Variants in KDM1A observed in about 807,000 individuals in gnomAD.
KDM1A encodes the protein lysine-specific histone demethylase 1A.
KDM1A carries 49 observed loss-of-function variants against 109.4 expected under a neutral mutation model. The ratio of observed to expected loss-of-function variants is 0.45; its 90% CI spans 0.36 to 0.57. The LOEUF (loss-of-function observed/expected upper bound fraction) is 0.57, where lower values mean the gene tolerates loss of function less well. Among genes scored for constraint, KDM1A ranks in the 20% least tolerant of loss-of-function variants. The probability of loss-of-function intolerance (pLI) is 0.00; values close to 1 mark genes in which losing one functional copy is unlikely to be tolerated. For synonymous variants in KDM1A, 380 were observed against 415.4 expected, an observed-to-expected ratio of 0.91 and a Z score of 1.04; for missense variants, 668 against 1,116.6, an observed-to-expected ratio of 0.60 and a Z score of 5.73.
chr1:23,081,387 G>A, intron 18 of KDM1A, 59 bp from the exon 19 acceptor site: 4 of 1,599,104 alleles, frequency 2.5e-6, no homozygotes, highest in African/African-American at 1.3e-5. Context: ...GGCCTGATAA[G>A]GAAGTTTTTG....
chr1:23,066,105 T>G (rs749145090), intron 10 of KDM1A, 34 bp downstream of exon 10: 3 of 1,436,550 alleles, frequency 2.1e-6, no homozygotes, highest in Non-Finnish European at 2.9e-6. Flanking sequence ...ATCATTTTCC[T>G]CACTGTTTAC....
intron 1 of KDM1A, 73 bp from the exon 2 acceptor site, chr1:23,030,396 G>T: frequency 1.7e-6 from 2 of 1,149,616 alleles, no homozygotes; most frequent in Non-Finnish European, 2.3e-6. Flanking sequence ...TACATTGACT[G>T]ATGGTTCCAA....
In KDM1A at chr1:23,079,052, G is replaced by A. The variant is rs1244958458; in HGVS notation, c.1930G>A (p.Ala644Thr). The part of the protein sequence containing the change: ...TSQTFIYKCD[A>T]VLCTLPLGVL... The stretch of plus-strand genomic sequence containing the variant: ...TCAAACCTTTATTTATAAATGCGAC[G>A]CAGTTCTCTGTACCCTTCCCCTGGG... The change falls in exon 17 of 21, where the codon GCA (alanine) becomes ACA (threonine). Residue 644 changes from alanine (A) to threonine (T), a missense_variant. Ala to Thr is a moderately conservative substitution (Grantham distance 58). Around this residue, in one of 8 missense-constraint regions of KDM1A, gnomAD observed 162 missense variants for 376.4 expected, o/e 0.43. Transcript: ENST00000400181. This position sits in a 1 kb window ranked among gnomAD's most constrained non-coding sequence, Gnocchi z 5.6. 4 of 1,613,994 alleles carry A rather than the reference G, an allele frequency of 2.5e-6. No individual in the cohort carries two copies. The highest frequency in any genetic ancestry group is 2.2e-5 in the East Asian group (1 of 44,898).
Position 23,047,212 on chromosome 1 carries a change from T to C in KDM1A, c.577+2726T>C, listed in dbSNP as rs138063465. On this transcript the variant is annotated intron_variant, in intron 3 of 20. Transcript: ENST00000400181. ...AATTAACATACATTTTTTTTTTCTT[T>C]AAGAAAAGGTTAGCTTTTTATCTTG... Among the ~76,000 whole-genome samples the C allele has an allele frequency of 1.3e-4, 20 of 152,304 alleles. No individual in the cohort carries two copies. In the East Asian group the frequency reaches 3.9e-3, roughly 29 times the overall value.
intron 15 of KDM1A, among the ~76,000 whole-genome samples, chr1:23,075,815 C>T (rs1202209738): frequency 6.6e-6 from 1 of 151,378 alleles, no homozygotes; most frequent in Non-Finnish European, 1.5e-5. Flanking sequence ...GGCGTGGTGG[C>T]GCATGCCTGT....
At chr1:23,024,461 C>T (rs1037384262) in intron 1 of KDM1A, among the ~76,000 whole-genome samples, 1 of 152,106 alleles carries the variant, frequency 6.6e-6, no homozygotes, top group African/African-American at 2.4e-5. Flanking sequence ...GGGAGCTTAT[C>T]CAGTTTTGAG....
At position 23,082,337 on chromosome 1, in the gene KDM1A, C is replaced by A; in HGVS notation, c.2416C>A (p.Pro806Thr). 1 of 1,613,732 alleles carries A rather than the reference C, an allele frequency of 6.2e-7. No individual in the cohort carries two copies. Among genetic ancestry groups the A allele is most frequent in the Non-Finnish European group, 8.5e-7 (1 of 1,179,846 alleles). Residue 806 changes from proline (P) to threonine (T), a missense_variant, in exon 20 of 21, where the codon CCT (proline) becomes ACT (threonine). This residue lies in a region of KDM1A where 69 missense variants were observed against 99.6 expected (regional missense o/e 0.69). Coordinates refer to ENST00000400181, the MANE Select transcript of KDM1A (RefSeq NM_001009999.3). ...TGATTTAATGGCTCAGCCAATCACT[C>A]CTGGCCCCTCGATTCCAGGTGCCCC... ...DYDLMAQPIT[P>T]GPSIPGAPQP... is the part of the protein sequence containing the mutation.
At chr1:23,028,831 T>C (rs975651074) in intron 1 of KDM1A, among the ~76,000 whole-genome samples, 1 of 152,246 alleles carries the variant, frequency 6.6e-6, no homozygotes, top group East Asian at 1.9e-4. Flanking sequence ...AAAGACCCTG[T>C]ATGAGATGGT....
At chr1:23,057,415 G>GT in intron 7 of KDM1A, 69 bp from the exon 8 acceptor site, 2 of 1,120,242 alleles carry the variant, frequency 1.8e-6, no homozygotes, top group Admixed American at 1.7e-5. Flanking sequence ...CAGAGCCGTG[G>GT]TATGGTACTA....
At chr1:23,057,398 T>C (rs962374541) in intron 7 of KDM1A, 86 bp from the exon 8 acceptor site, 7 of 948,658 alleles carry the variant, frequency 7.4e-6, no homozygotes, top group South Asian at 4.1e-5. Context: ...TTTTAAATTA[T>C]AGAAGACAGA....
chr1:23,076,199 T>C (rs1643459752), intron 15 of KDM1A, among the ~76,000 whole-genome samples: 3 of 152,144 alleles, frequency 2.0e-5, no homozygotes, highest in Admixed American at 2.0e-4. Context: ...GCCAGCCCAG[T>C]ATTTTGATCT....
At chr1:23,058,671 A>G (rs1642910824) in intron 8 of KDM1A, among the ~76,000 whole-genome samples, 1 of 152,206 alleles carries the variant, frequency 6.6e-6, no homozygotes, top group Non-Finnish European at 1.5e-5. Flanking sequence ...TCATAGCAGA[A>G]CATTAGAAAC....
Position 23,055,157 on chromosome 1 carries a change from A to G in KDM1A, c.879A>G (p.Leu293=), listed in dbSNP as rs781116924. Reference sequence around the variant, plus strand: ...GCATCTATAAGAGGATAAAACCCCTACCAAGTAAGGACCTCCTACCTGGCT... The same window carrying G: ...GCATCTATAAGAGGATAAAACCCCTGCCAAGTAAGGACCTCCTACCTGGCT... The part of the protein sequence containing the change: ...NFGIYKRIKP[L]PTKKTGKVII... The change falls in exon 6 of 21, where the codon CTA becomes CTG. Residue 293 remains leucine, a synonymous_variant. Transcript: ENST00000400181. 1 of 1,597,938 alleles carries G rather than the reference A, an allele frequency of 6.3e-7. No homozygotes were observed. Among genetic ancestry groups the G allele is most frequent in the Non-Finnish European group, 8.5e-7 (1 of 1,170,480 alleles).
rs1314693338 is a variant in KDM1A at position 23,019,751 on chromosome 1, CG to C, written c.160del (p.Ala54ArgfsTer48). 7.4e-7 allele frequency: 1 copy of C among 1,343,132 alleles called. No homozygotes were observed. The highest frequency in any genetic ancestry group is 9.6e-7 in the Non-Finnish European group (1 of 1,045,412). The allele number at this position is 1,343,132 out of a possible 1,614,324, so 83.2% of individuals were successfully genotyped here. ...CTGTCGGGCCCAGCCGAGGTCGGGC[CG>C]GGGGCGGTGGGGGAGCGCACACCCC... ...AGLSGPAEVG[P>X]GAVGERTPRK... On this transcript the variant is annotated frameshift_variant, in exon 1 of 21. Coordinates refer to ENST00000400181, the MANE Select transcript of KDM1A (RefSeq NM_001009999.3). LOFTEE classifies it high-confidence loss of function.
At chr1:23,027,073 A>C (rs1267671313) in intron 1 of KDM1A, among the ~76,000 whole-genome samples, 1 of 152,162 alleles carries the variant, frequency 6.6e-6, no homozygotes, top group Non-Finnish European at 1.5e-5. Context: ...CTAAAAAAAA[A>C]AACTTTATTA....
intron 5 of KDM1A, 99 bp from the exon 6 acceptor site, chr1:23,054,970 T>C (rs1569740949): frequency 2.8e-6 from 2 of 720,128 alleles, no homozygotes; most frequent in Non-Finnish European, 4.6e-6. Flanking sequence ...TGAAGCTTAA[T>C]GGTTTTAAGG....
At chr1:23,078,339 A>T (rs1643525349) in intron 16 of KDM1A, among the ~76,000 whole-genome samples, 2 of 152,168 alleles carry the variant, frequency 1.3e-5, no homozygotes, top group South Asian at 4.1e-4. Flanking sequence ...ATGAGCATGT[A>T]CTGAGCTTTC....
At chr1:23,070,357 G>C (rs1448337409) in intron 12 of KDM1A, among the ~76,000 whole-genome samples, 1 of 152,086 alleles carries the variant, frequency 6.6e-6, no homozygotes, top group African/African-American at 2.4e-5. Flanking sequence ...TGTAATCCCA[G>C]TTACTCAGGA....
At chr1:23,047,760 A>C (rs1642543528) in intron 3 of KDM1A, among the ~76,000 whole-genome samples, 1 of 152,058 alleles carries the variant, frequency 6.6e-6, no homozygotes, top group African/African-American at 2.4e-5. Context: ...AATTAGACAT[A>C]GTGGCTTGTA....
Sources: gnomAD v4.1 joint callset for allele counts (sites outside exome capture counted in the v4.1 genomes callset) on GRCh38, gnomAD v4.1.1 for gene constraint, gnomAD v4.1.1 regional missense constraint, Gnocchi (gnomAD v3.1) non-coding constraint, MANE v1.5 for transcripts, NCBI Gene and HGNC (gene_info 2026-07-23, HGNC 2026-07-21) for gene names.